ULK4: variants seen among roughly 807,000 people sequenced by gnomAD.
ULK4 encodes inactive serine/threonine-protein kinase ULK4.
In ULK4, 133 loss-of-function variants were observed where a neutral mutation model predicts 160.6. That is an observed-to-expected ratio of 0.83 (90% CI 0.72 to 0.96). The LOEUF (loss-of-function observed/expected upper bound fraction) is 0.96, where lower values mean the gene tolerates loss of function less well. Ranked by LOEUF, ULK4 falls within the 40% of genes least tolerant of loss-of-function variation. The pLI, the probability that ULK4 is intolerant of heterozygous loss-of-function variation, is 0.00. For missense variants in ULK4, 1,580 were observed against 1,499.5 expected, an observed-to-expected ratio of 1.05 and a Z score of -0.89; for synonymous variants, 534 against 539.8, an observed-to-expected ratio of 0.99 and a Z score of 0.15.
chr3:41,414,832 G>A (rs147653845), intron 34 of ULK4, among the ~76,000 whole-genome samples: 1,816 of 152,226 alleles, frequency 0.012, 64 homozygotes, highest in Admixed American at 0.071. Context: ...CCTTGACACC[G>A]TCCCCTTTCT....
At chr3:41,763,538 G>C (rs566592852) in intron 21 of ULK4, among the ~76,000 whole-genome samples, 1 of 152,154 alleles carries the variant, frequency 6.6e-6, no homozygotes, top group African/African-American at 2.4e-5. Flanking sequence ...TATAGTAGTA[G>C]TTGGCATTTT....
At chr3:41,831,240 G>A (rs571710633) in intron 18 of ULK4, among the ~76,000 whole-genome samples, 6 of 151,776 alleles carry the variant, frequency 4.0e-5, no homozygotes, top group East Asian at 1.9e-4. Flanking sequence ...TGACCAGGGC[G>A]GTCTCAAACT....
chr3:41,772,516 C>A (rs1321487174), intron 21 of ULK4, among the ~76,000 whole-genome samples: 1 of 152,080 alleles, frequency 6.6e-6, no homozygotes, highest in African/African-American at 2.4e-5. Flanking sequence ...CAAGACTAAA[C>A]CAGGAAGAAG....
At chr3:41,333,017 G>C (rs2080479213) in intron 35 of ULK4, among the ~76,000 whole-genome samples, 2 of 152,196 alleles carry the variant, frequency 1.3e-5, no homozygotes, top group African/African-American at 4.8e-5. Flanking sequence ...GTGAGATCCA[G>C]AGGATGCGAT....
At chr3:41,495,436 A>T (rs2084951614) in intron 32 of ULK4, among the ~76,000 whole-genome samples, 1 of 151,856 alleles carries the variant, frequency 6.6e-6, no homozygotes, top group Admixed American at 6.6e-5. Context: ...TTCAAGATGG[A>T]TTAAAGACTT....
intron 17 of ULK4, among the ~76,000 whole-genome samples, chr3:41,864,756 C>T (rs2042579358): frequency 6.6e-6 from 1 of 152,082 alleles, no homozygotes; most frequent in Admixed American, 6.5e-5. Context: ...ACTTCATTTA[C>T]ATTTATTCAT....
At chr3:41,832,808 T>G (rs2041634670) in intron 18 of ULK4, among the ~76,000 whole-genome samples, 1 of 152,218 alleles carries the variant, frequency 6.6e-6, no homozygotes, top group East Asian at 1.9e-4. Context: ...CCTTTCCCCA[T>G]TGCTTTTGTC....
rs375267406 is a variant in ULK4 at position 41,477,422 on chromosome 3, C to G, written c.3227-14169G>C. Among the ~76,000 whole-genome samples, 4 of 152,292 alleles carry G rather than the reference C, an allele frequency of 2.6e-5. No homozygotes were observed. In the East Asian group the frequency reaches 7.7e-4, roughly 29 times the overall value. The stretch of plus-strand genomic sequence containing the variant: ...GATTTGAAAATACAACACTCTAAAT[C>G]AAAGGTAACCTTCCTGCATAGAGGC... On this transcript the variant is annotated intron_variant, in intron 32 of 36. Transcript: ENST00000301831.
chr3:41,856,592 TATATATATATGTGTATATATATACAC>T (rs1559611305), intron 17 of ULK4, among the ~76,000 whole-genome samples: 4 of 67,812 alleles, frequency 5.9e-5, no homozygotes, highest in African/African-American at 3.9e-4. Flanking sequence ...TATATACACA[TATATATATATGTGTATATATATACAC>T]ATATATATAT....
At chr3:41,615,929 T>C (rs946011303) in intron 30 of ULK4, among the ~76,000 whole-genome samples, 6 of 152,222 alleles carry the variant, frequency 3.9e-5, no homozygotes, top group African/African-American at 9.7e-5. Flanking sequence ...CTTAGCCTTA[T>C]TGATGTGTAG....
At chr3:41,686,423 C>T (rs754832672) in intron 27 of ULK4, among the ~76,000 whole-genome samples, 2 of 151,986 alleles carry the variant, frequency 1.3e-5, no homozygotes, top group Admixed American at 6.6e-5. Flanking sequence ...CAAATAGTTA[C>T]GAAGAGTTAG....
intron 27 of ULK4, among the ~76,000 whole-genome samples, chr3:41,700,058 T>A (rs2036622276): frequency 6.6e-6 from 1 of 152,204 alleles, no homozygotes; most frequent in Admixed American, 6.5e-5. Flanking sequence ...GACTTGGAAT[T>A]CATTGCTGTG....
chr3:41,937,305 T>A (rs1361387194), intron 3 of ULK4: 1 of 692,664 alleles, frequency 1.4e-6, no homozygotes, highest in Non-Finnish European at 2.6e-6. Flanking sequence ...CTTGTCCATG[T>A]GTACATCCAT....
intron 27 of ULK4, among the ~76,000 whole-genome samples, chr3:41,704,316 G>A (rs1411427986): frequency 6.6e-6 from 1 of 152,184 alleles, no homozygotes; most frequent in African/African-American, 2.4e-5. Context: ...AGTGAGAGGG[G>A]CAGGGGTGGG....
chr3:41,313,650 T>C (rs576260230), intron 35 of ULK4, among the ~76,000 whole-genome samples: 2 of 152,360 alleles, frequency 1.3e-5, no homozygotes, highest in East Asian at 3.9e-4. Flanking sequence ...AATTCATCTT[T>C]AATGATAAAA....
chr3:41,715,116 T>C, intron 25 of ULK4, 121 bp downstream of exon 25: 1 of 990,984 alleles, frequency 1.0e-6, no homozygotes, highest in South Asian at 1.6e-5. Flanking sequence ...AAAGGTCACT[T>C]CCCTAGAGAC....
At chr3:41,760,269 G>A (rs938249511) in intron 21 of ULK4, among the ~76,000 whole-genome samples, 10 of 152,058 alleles carry the variant, frequency 6.6e-5, no homozygotes, top group Admixed American at 2.0e-4. Context: ...CATGAAAAAC[G>A]GTGAGTATGT....
chr3:41,337,323 G>A (rs532339180), intron 35 of ULK4, among the ~76,000 whole-genome samples: 1 of 152,306 alleles, frequency 6.6e-6, no homozygotes, highest in African/African-American at 2.4e-5. Context: ...ATGAGGTTGG[G>A]ATGAGAGAGG....
At chr3:41,648,544 T>C (rs886611813) in intron 30 of ULK4, among the ~76,000 whole-genome samples, 5 of 152,208 alleles carry the variant, frequency 3.3e-5, no homozygotes, top group South Asian at 2.1e-4. Context: ...GTCTGCCCAA[T>C]TGATAGACCT....
Sources: gnomAD v4.1 joint callset for allele counts (sites outside exome capture counted in the v4.1 genomes callset) on GRCh38, gnomAD v4.1.1 for gene constraint, MANE v1.5 for transcripts, NCBI Gene and HGNC (gene_info 2026-07-23, HGNC 2026-07-21) for gene names.